Variants in PRDM6 observed in about 807,000 individuals in gnomAD.
PRDM6 encodes the protein putative histone-lysine N-methyltransferase PRDM6.
A neutral mutation model predicts 60.8 loss-of-function variants in PRDM6; 25 were observed. The ratio of observed to expected loss-of-function variants is 0.41; its 90% CI spans 0.30 to 0.57. PRDM6 has a LOEUF of 0.57. Ranked by LOEUF, PRDM6 falls within the 20% of genes least tolerant of loss-of-function variation. The probability of loss-of-function intolerance (pLI) is 0.27; values close to 1 mark genes in which losing one functional copy is unlikely to be tolerated. For synonymous variants in PRDM6, 407 were observed against 357.4 expected (o/e 1.14, Z -1.57); for missense variants, 839 against 821.3 (o/e 1.02, Z -0.26).
chr5:123,152,026 T>C (rs1010773001), intron 3 of PRDM6, among the ~76,000 whole-genome samples: 1 of 152,130 alleles, frequency 6.6e-6, no homozygotes, highest in Admixed American at 6.6e-5. Flanking sequence ...AACAATACTC[T>C]GTACTCCCCT....
chr5:123,097,799 G>T (rs1763990775), intron 2 of PRDM6, among the ~76,000 whole-genome samples: 1 of 152,184 alleles, frequency 6.6e-6, no homozygotes. Context: ...ACAGAAGAGG[G>T]CCTTTGTGCA....
chr5:123,191,577 G>C lies in PRDM6; in HGVS notation c.*4376G>C, dbSNP rs1049168807. On this transcript the variant is annotated 3_prime_UTR_variant, in exon 8 of 8. Coordinates refer to ENST00000407847, the MANE Select transcript of PRDM6 (RefSeq NM_001136239.4). Reference sequence around the variant, plus strand: ...GATTTTAAAAGATACTGAGATATATGCTTCTTTAAATGATAACTGTAAGTT... The same window carrying C: ...GATTTTAAAAGATACTGAGATATATCCTTCTTTAAATGATAACTGTAAGTT... 1 of 152,108 alleles carries C rather than the reference G, an allele frequency of 6.6e-6. No individual in the cohort carries two copies. Among genetic ancestry groups the C allele is most frequent in the Non-Finnish European group, 1.5e-5 (1 of 68,014 alleles). The allele number at this position is 152,108 out of a possible 1,614,324, so 9.4% of individuals were successfully genotyped here. A position where few individuals can be genotyped will look rare whatever the true frequency, so the allele number is the denominator to read the frequency against.
At chr5:123,146,577 T>G (rs1318795775) in intron 3 of PRDM6, among the ~76,000 whole-genome samples, 1 of 152,220 alleles carries the variant, frequency 6.6e-6, no homozygotes, top group East Asian at 1.9e-4. Flanking sequence ...TTTCCAAAAT[T>G]GATACTTTCT....
chr5:123,185,022 C>G (rs573491376), intron 7 of PRDM6, among the ~76,000 whole-genome samples: 1 of 152,292 alleles, frequency 6.6e-6, no homozygotes, highest in South Asian at 2.1e-4. Context: ...GACAAATTTT[C>G]TGACTATTAC....
At chr5:123,140,310 C>T (rs1241803998) in intron 3 of PRDM6, among the ~76,000 whole-genome samples, 1 of 151,018 alleles carries the variant, frequency 6.6e-6, no homozygotes, top group African/African-American at 2.4e-5. Context: ...TTCAAAATGA[C>T]ATGATGGAAT....
chr5:123,153,368 C>T (rs577241146), intron 3 of PRDM6, among the ~76,000 whole-genome samples: 1 of 152,122 alleles, frequency 6.6e-6, no homozygotes, highest in South Asian at 2.1e-4. Flanking sequence ...TTGAAAAGTA[C>T]GTAGAAGACA....
At chr5:123,153,427 A>G (rs755726244) in intron 3 of PRDM6, among the ~76,000 whole-genome samples, 17 of 152,186 alleles carry the variant, frequency 1.1e-4, no homozygotes, top group Non-Finnish European at 2.2e-4. Flanking sequence ...TGAGGGAGAA[A>G]GCAGTATCAA....
Position 123,090,434 on chromosome 5 carries a change from C to A in PRDM6, c.420C>A (p.Gly140=). The A allele has an allele frequency of 1.4e-6, 2 of 1,451,716 alleles. No individual in the cohort carries two copies. Among genetic ancestry groups the A allele is most frequent in the Non-Finnish European group, 1.8e-6 (2 of 1,111,722 alleles). 89.9% of individuals were successfully genotyped at this position (1,451,716 alleles called of 1,614,324 possible). A position where few individuals can be genotyped will look rare whatever the true frequency, so the allele number is the denominator to read the frequency against. ...EPLPPKELCL[G]ATSGPGPVKC... ...TGCCCCCCAAGGAACTGTGCCTCGG[C>A]GCCACCTCCGGCCCCGGGCCCGTCA... is the stretch of plus-strand genomic sequence containing the variant. Residue 140 remains glycine, a synonymous_variant, in exon 2 of 8, where the codon GGC becomes GGA. Coordinates refer to ENST00000407847, the MANE Select transcript of PRDM6 (RefSeq NM_001136239.4).
intron 4 of PRDM6, among the ~76,000 whole-genome samples, chr5:123,157,408 G>T (rs190862022): frequency 6.6e-6 from 1 of 152,160 alleles, no homozygotes; most frequent in African/African-American, 2.4e-5. Flanking sequence ...TTCTGTAATG[G>T]GTACCCAGGG....
chr5:123,119,173 TAAAC>T (rs145044129), intron 3 of PRDM6, among the ~76,000 whole-genome samples: 4,868 of 151,484 alleles, frequency 0.032, 268 homozygotes, highest in African/African-American at 0.11. Flanking sequence ...TACCCACAAA[TAAAC>T]AAACAAGAAA....
chr5:123,095,631 G>A (rs1423740068), intron 2 of PRDM6, among the ~76,000 whole-genome samples: 1 of 152,248 alleles, frequency 6.6e-6, no homozygotes, highest in Non-Finnish European at 1.5e-5. Context: ...CGACCTTGGC[G>A]GCGGTAGGGG....
At chr5:123,101,178 C>G (rs1462259968) in intron 3 of PRDM6, among the ~76,000 whole-genome samples, 1 of 152,184 alleles carries the variant, frequency 6.6e-6, no homozygotes, top group Non-Finnish European at 1.5e-5. Flanking sequence ...TGAGTGCCCA[C>G]TCTGGCCAGC....
At chr5:123,165,509 G>T (rs2126879872) in intron 5 of PRDM6, among the ~76,000 whole-genome samples, 1 of 152,282 alleles carries the variant, frequency 6.6e-6, no homozygotes, top group South Asian at 2.1e-4. Context: ...TCTTTCTTTA[G>T]TTCATGGTGG....
chr5:123,153,618 T>G (rs1207202987), intron 3 of PRDM6, among the ~76,000 whole-genome samples: 2 of 152,176 alleles, frequency 1.3e-5, no homozygotes, highest in Non-Finnish European at 2.9e-5. Context: ...CAAATAGCCT[T>G]TTACTTTTCC....
Position 123,153,927 on chromosome 5 carries a change from C to T in PRDM6, c.901-1957C>T, listed in dbSNP as rs191152336. On this transcript the variant is annotated intron_variant, in intron 3 of 7. Transcript: ENST00000407847. ...TTCATAATAATTTTCACCAGCAGTC[C>T]CTGTGGAAGGTTTATTCTTGAGGGA... is the stretch of plus-strand genomic sequence containing the variant. Among the ~76,000 whole-genome samples the T allele has an allele frequency of 1.4e-4, 21 of 152,122 alleles. No homozygotes were observed. In the East Asian group the frequency reaches 4.1e-3, roughly 29 times the overall value.
rs566833777 is a variant in PRDM6, at chr5:123,114,930, G to T, written c.900+14969G>T. ...GAGAACAGTCTGTAGTGGAACAGGGGTGGATGTTGTTAGGAGACACTCAGA... is the reference window on the plus strand; with the variant it reads ...GAGAACAGTCTGTAGTGGAACAGGGTTGGATGTTGTTAGGAGACACTCAGA... On this transcript the variant is annotated intron_variant, in intron 3 of 7. Transcript: ENST00000407847. Among the ~76,000 whole-genome samples, 8 of 152,322 alleles carry T rather than the reference G, an allele frequency of 5.3e-5. No homozygotes were observed. In the East Asian group the frequency reaches 1.5e-3, roughly 29 times the overall value.
At chr5:123,115,978 T>C (rs1344172123) in intron 3 of PRDM6, among the ~76,000 whole-genome samples, 1 of 152,186 alleles carries the variant, frequency 6.6e-6, no homozygotes, top group African/African-American at 2.4e-5. Flanking sequence ...ACAACAATAA[T>C]AGTAGGAATA....
chr5:123,126,229 AG>A (rs2150220602), intron 3 of PRDM6, among the ~76,000 whole-genome samples: 1 of 152,128 alleles, frequency 6.6e-6, no homozygotes, highest in Non-Finnish European at 1.5e-5. Flanking sequence ...CATTAATCTG[AG>A]GGGTAGTATC....
Position 123,191,971 on chromosome 5 carries a change from A to G in PRDM6, c.*4770A>G, listed in dbSNP as rs779881206. The G allele has an allele frequency of 1.4e-4, 22 of 152,246 alleles. No individual in the cohort carries two copies. The highest frequency in any genetic ancestry group is 2.9e-4 in the African/African-American group (12 of 41,462). The allele number at this position is 152,246 out of a possible 1,614,324, so 9.4% of individuals were successfully genotyped here. ...TCTTCCTTTAAATAATAAATGCCAG[A>G]TGTTTCATCAGATCAATATGTAAAA... On this transcript the variant is annotated 3_prime_UTR_variant, in exon 8 of 8. Coordinates refer to ENST00000407847, the MANE Select transcript of PRDM6 (RefSeq NM_001136239.4).
Sources: gnomAD v4.1 joint callset for allele counts (sites outside exome capture counted in the v4.1 genomes callset) on GRCh38, gnomAD v4.1.1 for gene constraint, MANE v1.5 for transcripts, NCBI Gene and HGNC (gene_info 2026-07-23, HGNC 2026-07-21) for gene names.